The following SMG6 variants were observed in gnomAD, a reference collection of about 807,000 sequenced individuals.
SMG6 encodes telomerase-binding protein EST1A.
Under a neutral mutation model 142.2 loss-of-function variants are expected in SMG6, and 66 were observed. The ratio of observed to expected loss-of-function variants is 0.46; its 90% CI spans 0.38 to 0.57. SMG6 has a LOEUF of 0.57. Ranked by LOEUF, SMG6 falls within the 20% of genes least tolerant of loss-of-function variation. The probability of loss-of-function intolerance (pLI) is 0.00; values close to 1 mark genes in which losing one functional copy is unlikely to be tolerated. For missense variants in SMG6, 1,793 were observed against 1,832.0 expected (o/e 0.98, Z 0.39); for synonymous variants, 779 against 702.4 (o/e 1.11, Z -1.72).
At chr17:2,136,101 C>T (rs147865205) in intron 13 of SMG6, among the ~76,000 whole-genome samples, 110 of 151,860 alleles carry the variant, frequency 7.2e-4, no homozygotes, top group African/African-American at 2.3e-3. Flanking sequence ...CTCGCTCTGT[C>T]GCCCAGGCTG....
intron 13 of SMG6, among the ~76,000 whole-genome samples, chr17:2,119,542 C>T (rs1285049328): frequency 6.6e-6 from 1 of 152,114 alleles, no homozygotes; most frequent in African/African-American, 2.4e-5. Flanking sequence ...CTCTGTTGCC[C>T]AGGCCAGAGT....
At chr17:2,136,688 C>T (rs1240115636) in intron 13 of SMG6, among the ~76,000 whole-genome samples, 3 of 151,602 alleles carry the variant, frequency 2.0e-5, no homozygotes, top group Admixed American at 2.0e-4. Flanking sequence ...AAAAATGCAC[C>T]AAAGACGATT....
intron 13 of SMG6, among the ~76,000 whole-genome samples, chr17:2,167,975 C>A (rs1272597350): frequency 6.6e-6 from 1 of 152,098 alleles, no homozygotes; most frequent in Non-Finnish European, 1.5e-5. Flanking sequence ...TTAAAAAGTT[C>A]TCCTGCCTCA....
At chr17:2,258,062 C>CACACACATATATAT (rs1555567108) in intron 8 of SMG6, among the ~76,000 whole-genome samples, 1 of 120,322 alleles carries the variant, frequency 8.3e-6, no homozygotes, top group Non-Finnish European at 1.7e-5. Context: ...CACACACACA[C>CACACACATATATAT]ACACATATAT....
chr17:2,293,096 A>G (rs949792087), intron 4 of SMG6, 119 bp from the exon 5 acceptor site: 59 of 703,532 alleles, frequency 8.4e-5, no homozygotes, highest in Non-Finnish European at 1.4e-4. Context: ...GGTCCTCAAC[A>G]AAGTATAAAG....
At chr17:2,227,665 T>G (rs1359387582) in intron 10 of SMG6, among the ~76,000 whole-genome samples, 1 of 152,226 alleles carries the variant, frequency 6.6e-6, no homozygotes. Context: ...GGTTAGTAAC[T>G]TGGGCATGTA....
At chr17:2,120,451 G>A (rs1225842171) in intron 13 of SMG6, among the ~76,000 whole-genome samples, 1 of 152,214 alleles carries the variant, frequency 6.6e-6, no homozygotes, top group East Asian at 1.9e-4. Flanking sequence ...ACTTCAGCTG[G>A]GCATGGGGGC....
chr17:2,219,803 C>CAA (rs72234069), intron 10 of SMG6, among the ~76,000 whole-genome samples: 1 of 118,092 alleles, frequency 8.5e-6, no homozygotes, highest in African/African-American at 3.1e-5. Flanking sequence ...GACCCTTTAT[C>CAA]AAAAAAAAAA....
Position 2,202,968 on chromosome 17 carries a change from C to T in SMG6, c.2870-14453G>A, listed in dbSNP as rs555329416. ...TGCTAGGCCCCCTCCAGAGGACACC[C>T]TGGCTTTCCCTTCTTCTTTATATAG... On this transcript the variant is annotated intron_variant, in intron 10 of 18. Transcript: ENST00000263073. Among the ~76,000 whole-genome samples, 85 of 152,252 alleles carry T rather than the reference C, an allele frequency of 5.6e-4. 1 individual carries two copies. Among genetic ancestry groups the T allele is most frequent in the Middle Eastern group, 3.4e-3 (1 of 294 alleles).
intron 13 of SMG6, among the ~76,000 whole-genome samples, chr17:2,119,803 A>G (rs2069628124): frequency 6.6e-6 from 1 of 152,186 alleles, no homozygotes; most frequent in African/African-American, 2.4e-5. Flanking sequence ...ATTGGGCTAC[A>G]GACGCCCGCT....
chr17:2,181,035 G>A (rs76515792), intron 12 of SMG6, among the ~76,000 whole-genome samples: 42 of 152,254 alleles, frequency 2.8e-4, no homozygotes, highest in Non-Finnish European at 5.9e-4. Context: ...AGCGTCAGGG[G>A]GGTTACAGTT....
chr17:2,182,841 C>A (rs2071848263), intron 12 of SMG6, among the ~76,000 whole-genome samples: 1 of 149,018 alleles, frequency 6.7e-6, no homozygotes, highest in Non-Finnish European at 1.5e-5. Flanking sequence ...CCGAAGACCA[C>A]ACTGAGAGAA....
intron 8 of SMG6, among the ~76,000 whole-genome samples, chr17:2,282,221 G>T (rs775665622): frequency 3.3e-5 from 5 of 151,894 alleles, no homozygotes; most frequent in Non-Finnish European, 7.4e-5. Context: ...CCGCCCAAGA[G>T]TTATAAGAGG....
intron 4 of SMG6, among the ~76,000 whole-genome samples, chr17:2,293,381 GT>G (rs1414531312): frequency 6.6e-6 from 1 of 152,166 alleles, no homozygotes; most frequent in Non-Finnish European, 1.5e-5. Context: ...ACTCTATAGG[GT>G]AACTGGAGGA....
chr17:2,289,438 T>TATA (rs1567752112), intron 6 of SMG6, among the ~76,000 whole-genome samples: 1 of 151,912 alleles, frequency 6.6e-6, no homozygotes, highest in Non-Finnish European at 1.5e-5. Context: ...GTGCCTGTAG[T>TATA]CCCAGCTAAT....
intron 13 of SMG6, among the ~76,000 whole-genome samples, chr17:2,165,821 C>CT (rs1199269602): frequency 6.6e-6 from 1 of 152,126 alleles, no homozygotes; most frequent in Non-Finnish European, 1.5e-5. Flanking sequence ...GGGAGGATCG[C>CT]TTTAACCCAG....
At chr17:2,282,580 T>C (rs2074812841) in intron 8 of SMG6, 67 bp downstream of exon 8, 1 of 1,495,522 alleles carries the variant, frequency 6.7e-7, no homozygotes, top group African/African-American at 1.4e-5. Flanking sequence ...GCCTCACAGC[T>C]GTATGAACCA....
intron 14 of SMG6, 142 bp from the exon 15 acceptor site, chr17:2,082,098 T>A (rs2068441456): frequency 2.6e-6 from 2 of 773,324 alleles, no homozygotes; most frequent in Non-Finnish European, 2.1e-6. Flanking sequence ...GGTGTGTGCT[T>A]CCCTCTACTC....
intron 13 of SMG6, among the ~76,000 whole-genome samples, chr17:2,125,349 A>C (rs2069838680): frequency 1.3e-5 from 2 of 152,178 alleles, no homozygotes; most frequent in African/African-American, 4.8e-5. Flanking sequence ...AGATACTACA[A>C]GGCCTCTGAA....
Sources: allele counts gnomAD v4.1 joint callset (sites outside exome capture counted in the v4.1 genomes callset), GRCh38; gene constraint gnomAD v4.1.1; transcripts MANE v1.5; gene names NCBI Gene and HGNC (gene_info 2026-07-23, HGNC 2026-07-21).